CRYBA4: variants seen among roughly 807,000 people sequenced by gnomAD.
CRYBA4 encodes crystallin beta A4.
A neutral mutation model predicts 31.7 loss-of-function variants in CRYBA4; 30 were observed. That is an observed-to-expected ratio of 0.95 (90% CI 0.71 to 1.28). The LOEUF (loss-of-function observed/expected upper bound fraction) is 1.28, where lower values mean the gene tolerates loss of function less well. Among genes scored for constraint, CRYBA4 ranks in the 50% most tolerant of loss-of-function variants. CRYBA4 has a pLI of 0.00. For synonymous variants in CRYBA4, 102 were observed against 102.3 expected (o/e 1.00, Z 0.02); for missense variants, 225 against 260.7 (o/e 0.86, Z 0.94).
chr22:26,630,313 T>C, intron 5 of CRYBA4, 27 bp from the exon 6 acceptor site: 2 of 1,613,846 alleles, frequency 1.2e-6, no homozygotes, highest in Non-Finnish European at 1.7e-6. Flanking sequence ...CTCTGTAGAG[T>C]AACTGTCTGC....
At chr22:26,629,734 CAAAAA>C (rs66906132) in intron 5 of CRYBA4, among the ~76,000 whole-genome samples, 1 of 80,598 alleles carries the variant, frequency 1.2e-5, no homozygotes, top group Non-Finnish European at 2.6e-5. Context: ...GACTCTGTCT[CAAAAA>C]AAAAAAAAAA....
rs760976886 is a variant in CRYBA4, at chr22:26,622,630, T to A, written c.34T>A (p.Trp12Arg). ...GCAATGCACAAAGTCAGCGGGACCC[T>A]GGAAGGTAGGAAGAGGCATGGGGAG... The part of the protein sequence containing the change: ...TLQCTKSAGP[W>R]KMVVWDEDGF... Residue 12 changes from tryptophan (W) to arginine (R), a missense_variant, in exon 2 of 6, where the codon TGG (tryptophan) becomes AGG (arginine). By Grantham distance (101) the Trp-to-Arg change is moderately radical (BLOSUM62 -3). Coordinates refer to ENST00000354760, the MANE Select transcript of CRYBA4 (RefSeq NM_001886.3). The A allele has an allele frequency of 1.2e-5, 19 of 1,583,848 alleles. No individual in the cohort carries two copies. The Admixed American group carries it at 3.2e-4, about 26-fold the overall frequency.
the CRYBA4 span, among the ~76,000 whole-genome samples, chr22:26,598,976 T>C: frequency 6.6e-6 from 1 of 152,162 alleles, no homozygotes; most frequent in African/African-American, 2.4e-5. Context: ...GGAAAATCAC[T>C]TCCCCTCTCT....
At chr22:26,600,675 A>G in the CRYBA4 span, among the ~76,000 whole-genome samples, 2 of 152,240 alleles carry the variant, frequency 1.3e-5, no homozygotes, top group Non-Finnish European at 2.9e-5. Flanking sequence ...GTAAGCACTC[A>G]ATAGAAGTTA....
chr22:26,619,364 C>T (rs1929460703), upstream of CRYBA4, among the ~76,000 whole-genome samples: 1 of 152,144 alleles, frequency 6.6e-6, no homozygotes, highest in Non-Finnish European at 1.5e-5. Flanking sequence ...CCTCCCATTT[C>T]ACAAATGGAG....
chr22:26,629,276 C>CTT lies in CRYBA4; in HGVS notation c.443+857_443+858dup, dbSNP rs796660077. 4.2e-3 allele frequency among the ~76,000 whole-genome samples: 606 copies of CTT among 145,576 alleles called. 5 individuals carry two copies. Among genetic ancestry groups the CTT allele is most frequent in the African/African-American group, 0.014 (573 of 39,936 alleles). On this transcript the variant is annotated intron_variant, in intron 5 of 5. Transcript: ENST00000354760. ...AAAGATGGGAGGTAGGGTTTTTCAT[C>CTT]TTTTTTTTTTTTCTTTTTTTGGCTT...
chr22:26,611,845 A>G, the CRYBA4 span, among the ~76,000 whole-genome samples: 4 of 152,122 alleles, frequency 2.6e-5, no homozygotes, highest in African/African-American at 7.2e-5. Context: ...TGCCAGTGTG[A>G]TCTTATGCTA....
At chr22:26,607,753 C>T in the CRYBA4 span, 46 of 1,159,422 alleles carry the variant, frequency 4.0e-5, no homozygotes, top group East Asian at 6.0e-4. Flanking sequence ...CAAGAATCCA[C>T]GGTCCTTTGA....
chr22:26,616,104 G>C, the CRYBA4 span: 13 of 1,537,238 alleles, frequency 8.5e-6, no homozygotes, highest in Admixed American at 1.7e-5. Flanking sequence ...AGGAAAGAAG[G>C]CATGGCACCC....
At chr22:26,611,636 G>A in the CRYBA4 span, among the ~76,000 whole-genome samples, 1 of 151,816 alleles carries the variant, frequency 6.6e-6, no homozygotes, top group Non-Finnish European at 1.5e-5. Context: ...CACCACGCCC[G>A]GCTAATTTTT....
chr22:26,596,906 C>T, the CRYBA4 span, among the ~76,000 whole-genome samples: 1 of 152,094 alleles, frequency 6.6e-6, no homozygotes, highest in African/African-American at 2.4e-5. Flanking sequence ...AAAACAAGTC[C>T]CAGGGAATGG....
the CRYBA4 span, among the ~76,000 whole-genome samples, chr22:26,614,236 C>T: frequency 6.6e-6 from 1 of 152,312 alleles, no homozygotes; most frequent in African/African-American, 2.4e-5. Context: ...CTGTGACCCA[C>T]ACCTATTCTC....
At chr22:26,595,998 C>G in the CRYBA4 span, among the ~76,000 whole-genome samples, 351 of 152,240 alleles carry the variant, frequency 2.3e-3, 2 homozygotes, top group African/African-American at 7.7e-3. Context: ...TCTCAAATTC[C>G]TGGGCTCAAG....
chr22:26,629,635 G>A (rs1297700126), intron 5 of CRYBA4, among the ~76,000 whole-genome samples: 4 of 147,682 alleles, frequency 2.7e-5, no homozygotes, highest in South Asian at 4.2e-4. Context: ...CCAGCCACTC[G>A]GATGAGGCAG....
At chr22:26,604,580 A>C in the CRYBA4 span, among the ~76,000 whole-genome samples, 1 of 152,220 alleles carries the variant, frequency 6.6e-6, no homozygotes, top group African/African-American at 2.4e-5. Context: ...TTGGAGGTTA[A>C]GGAGGAGTGC....
chr22:26,627,673 G>C (rs1929794537), intron 4 of CRYBA4, among the ~76,000 whole-genome samples: 1 of 128,320 alleles, frequency 7.8e-6, no homozygotes. Flanking sequence ...TTTTGATGGA[G>C]TTTTTGCTTT....
chr22:26,613,586 A>G, the CRYBA4 span, among the ~76,000 whole-genome samples: 1 of 152,178 alleles, frequency 6.6e-6, no homozygotes, highest in Non-Finnish European at 1.5e-5. Flanking sequence ...TCCCCAATCA[A>G]TACCCTTGTG....
intron 3 of CRYBA4, among the ~76,000 whole-genome samples, chr22:26,624,165 TG>T (rs1260394536): frequency 2.0e-5 from 3 of 152,010 alleles, no homozygotes; most frequent in African/African-American, 7.3e-5. Flanking sequence ...GGAAAGTAGT[TG>T]GAAAGATGTG....
At chr22:26,627,516 CTTTCTTTCTCTTTCTTTCCTTTTCTT>C (rs1569211970) in intron 4 of CRYBA4, among the ~76,000 whole-genome samples, 1 of 91,860 alleles carries the variant, frequency 1.1e-5, no homozygotes, top group African/African-American at 4.2e-5. Context: ...TTCTTTCTTT[CTTTCTTTCTCTTTCTTTCCTTTTCTT>C]TCTTTCTTTC....
Sources: gnomAD v4.1 joint callset for allele counts (sites outside exome capture counted in the v4.1 genomes callset) on GRCh38, gnomAD v4.1.1 for gene constraint, MANE v1.5 for transcripts, NCBI Gene and HGNC (gene_info 2026-07-23, HGNC 2026-07-21) for gene names.